The following TYR variants were observed in gnomAD, a reference collection of about 807,000 sequenced individuals.
The protein encoded by TYR is LB24-AB.
Under a neutral mutation model 51.5 loss-of-function variants are expected in TYR, and 58 were observed. That is an observed-to-expected ratio of 1.13 (90% confidence interval 0.91 to 1.40). The LOEUF (loss-of-function observed/expected upper bound fraction) is 1.40, where lower values mean the gene tolerates loss of function less well. Ranked by LOEUF, TYR falls within the 40% of genes most tolerant of loss-of-function variation. The pLI is 0.00. For synonymous variants in TYR, 263 were observed against 235.2 expected, an observed-to-expected ratio of 1.12 and a Z score of -1.08; for missense variants, 732 against 647.4, an observed-to-expected ratio of 1.13 and a Z score of -1.42.
chr11:89,255,573 C>T (rs1944380679), intron 3 of TYR, among the ~76,000 whole-genome samples: 2 of 151,636 alleles, frequency 1.3e-5, no homozygotes, highest in African/African-American at 4.8e-5. Context: ...AATTAAAACT[C>T]AATTGGTTTA....
At chr11:89,197,698 A>G (rs1160516196) in intron 2 of TYR, among the ~76,000 whole-genome samples, 1 of 152,048 alleles carries the variant, frequency 6.6e-6, no homozygotes, top group African/African-American at 2.4e-5. Flanking sequence ...GAGGATGAAG[A>G]TGAGTTGGTT....
At chr11:89,228,431 C>A (rs570543232) in intron 3 of TYR, among the ~76,000 whole-genome samples, 37 of 152,228 alleles carry the variant, frequency 2.4e-4, no homozygotes, top group African/African-American at 8.9e-4. Flanking sequence ...CCAAGGGCAG[C>A]CTTCTAAAGG....
At chr11:89,278,431 T>C (rs1009860420) in intron 3 of TYR, among the ~76,000 whole-genome samples, 1 of 151,722 alleles carries the variant, frequency 6.6e-6, no homozygotes, top group Non-Finnish European at 1.5e-5. Flanking sequence ...AATATATTCA[T>C]TCATTTTTTA....
chr11:89,218,538 A>C (rs1347643195), intron 2 of TYR, among the ~76,000 whole-genome samples: 1 of 152,174 alleles, frequency 6.6e-6, no homozygotes, highest in Non-Finnish European at 1.5e-5. Flanking sequence ...GAGCTGGAAT[A>C]GTTTCAGTAA....
Position 89,232,201 on chromosome 11 carries a change from G to A in TYR, c.1184+4231G>A, listed in dbSNP as rs1287099906. Among the ~76,000 whole-genome samples, 3 of 142,988 alleles carry A rather than the reference G, an allele frequency of 2.1e-5. 1 individual carries two copies. Among genetic ancestry groups the A allele is most frequent in the African/African-American group, 8.3e-5 (3 of 36,026 alleles). The allele number at this position is 142,988 out of a possible 152,430, so 93.8% of individuals were successfully genotyped here. A position where few individuals can be genotyped will look rare whatever the true frequency, so the allele number is the denominator to read the frequency against. ...GTATACAGGCACACATCAAAATACT[G>A]TGGGCTTAGTTCCAGGCCACTACAA... On this transcript the variant is annotated intron_variant, in intron 3 of 4. Coordinates refer to ENST00000263321, the MANE Select transcript of TYR (RefSeq NM_000372.5).
intron 3 of TYR, among the ~76,000 whole-genome samples, chr11:89,231,660 G>T (rs1944051962): frequency 7.0e-6 from 1 of 142,228 alleles, no homozygotes; most frequent in African/African-American, 2.8e-5. Flanking sequence ...TTGGAGGGAA[G>T]TTGGACAAAT....
intron 3 of TYR, among the ~76,000 whole-genome samples, chr11:89,239,110 A>G (rs538666711): frequency 9.5e-4 from 145 of 152,276 alleles, no homozygotes; most frequent in Middle Eastern, 3.4e-3. Flanking sequence ...TGAGTTTGAA[A>G]GTATTCTCGC....
chr11:89,293,234 C>T (rs948902740), intron 4 of TYR, among the ~76,000 whole-genome samples: 2 of 151,870 alleles, frequency 1.3e-5, no homozygotes, highest in African/African-American at 2.4e-5. Flanking sequence ...TCTTAGGTTG[C>T]TCAGTATGAT....
intron 2 of TYR, among the ~76,000 whole-genome samples, chr11:89,213,531 C>T: frequency 6.6e-6 from 1 of 152,104 alleles, no homozygotes; most frequent in East Asian, 1.9e-4. Flanking sequence ...TTTACAGATC[C>T]AATGCTATCC....
At chr11:89,246,393 A>G (rs1010620845) in intron 3 of TYR, among the ~76,000 whole-genome samples, 6 of 152,204 alleles carry the variant, frequency 3.9e-5, no homozygotes, top group Admixed American at 2.0e-4. Context: ...TTTATAAACT[A>G]TAACACATTA....
At chr11:89,268,017 G>C (rs565101457) in intron 3 of TYR, among the ~76,000 whole-genome samples, 1 of 151,932 alleles carries the variant, frequency 6.6e-6, no homozygotes, top group East Asian at 1.9e-4. Context: ...CCTCATTAAG[G>C]CTAAGAACAC....
chr11:89,189,994 A>T (rs1015450783), intron 1 of TYR, among the ~76,000 whole-genome samples: 3 of 152,158 alleles, frequency 2.0e-5, no homozygotes, highest in African/African-American at 7.2e-5. Context: ...AATATTATAC[A>T]CAATGCATTA....
intron 2 of TYR, among the ~76,000 whole-genome samples, chr11:89,221,339 G>A (rs553070312): frequency 6.6e-6 from 1 of 152,264 alleles, no homozygotes; most frequent in East Asian, 1.9e-4. Context: ...CATTTGCTTC[G>A]TTACTCTATT....
At chr11:89,198,440 GA>G (rs1943553144) in intron 2 of TYR, among the ~76,000 whole-genome samples, 1 of 152,028 alleles carries the variant, frequency 6.6e-6, no homozygotes, top group Non-Finnish European at 1.5e-5. Context: ...GGTTTTGAAA[GA>G]TGATTGCCAG....
chr11:89,201,931 G>A (rs1943603450), intron 2 of TYR, among the ~76,000 whole-genome samples: 1 of 152,026 alleles, frequency 6.6e-6, no homozygotes, highest in Admixed American at 6.6e-5. Context: ...AAAGAATGTT[G>A]ATATCTAAAG....
intron 2 of TYR, among the ~76,000 whole-genome samples, chr11:89,192,296 C>T (rs1943456698): frequency 6.6e-6 from 1 of 151,844 alleles, no homozygotes; most frequent in Non-Finnish European, 1.5e-5. Context: ...CACAAACAAA[C>T]ACAACAAAAC....
At position 89,189,363 on chromosome 11, in the gene TYR, A is replaced by G. The variant is rs139157904; in HGVS notation, c.820-1839A>G. Among the ~76,000 whole-genome samples, 1,391 of 152,180 alleles carry G rather than the reference A, an allele frequency of 9.1e-3. 15 individuals are homozygous for G. Among genetic ancestry groups the G allele is most frequent in the Non-Finnish European group, 0.013 (874 of 67,968 alleles). On this transcript the variant is annotated intron_variant, in intron 1 of 4. Coordinates refer to ENST00000263321, the MANE Select transcript of TYR (RefSeq NM_000372.5). The stretch of plus-strand genomic sequence containing the variant: ...TTATTTTTAAGACGGTATTTCTACA[A>G]TGAAAATCACCTTGGTTCTAGCTAA...
At chr11:89,251,592 T>C (rs1287383791) in intron 3 of TYR, among the ~76,000 whole-genome samples, 1 of 151,876 alleles carries the variant, frequency 6.6e-6, no homozygotes, top group Non-Finnish European at 1.5e-5. Flanking sequence ...TCTGTAGCTG[T>C]GTCCTTATAC....
intron 3 of TYR, among the ~76,000 whole-genome samples, chr11:89,252,384 C>T (rs762536608): frequency 6.6e-5 from 10 of 151,548 alleles, no homozygotes; most frequent in Admixed American, 6.6e-5. Context: ...TCTCAATAAC[C>T]TAGGGCATAA....
Sources: allele counts gnomAD v4.1 joint callset (sites outside exome capture counted in the v4.1 genomes callset), GRCh38; gene constraint gnomAD v4.1.1; transcripts MANE v1.5; gene names NCBI Gene and HGNC (gene_info 2026-07-23, HGNC 2026-07-21).